ENTREP2: variants seen among roughly 807,000 people sequenced by gnomAD.
ENTREP2 encodes the protein endosomal transmembrane epsin interactor 2, also known as protein ENTREP2.
the ENTREP2 span, among the ~76,000 whole-genome samples, chr15:29,448,238 C>T: frequency 6.6e-6 from 1 of 152,192 alleles, no homozygotes; most frequent in African/African-American, 2.4e-5. Context: ...AGCCCTCCTA[C>T]AACAGCACCT....
chr15:29,283,265 C>T, the ENTREP2 span, among the ~76,000 whole-genome samples: 1 of 152,208 alleles, frequency 6.6e-6, no homozygotes, highest in Non-Finnish European at 1.5e-5. Flanking sequence ...AGACTATCCC[C>T]ACCCTCACCA....
chr15:29,550,562 A>C, the ENTREP2 span, among the ~76,000 whole-genome samples: 1 of 152,238 alleles, frequency 6.6e-6, no homozygotes, highest in Non-Finnish European at 1.5e-5. Context: ...TAGGAAAATC[A>C]TTAATAGTTT....
the ENTREP2 span, among the ~76,000 whole-genome samples, chr15:29,247,728 G>A: frequency 6.5e-5 from 8 of 123,678 alleles, no homozygotes; most frequent in African/African-American, 2.0e-4. Flanking sequence ...CTTTGTTTCC[G>A]GTATGTCTGT....
the ENTREP2 span, among the ~76,000 whole-genome samples, chr15:29,381,493 C>T: frequency 4.1e-5 from 6 of 146,802 alleles, no homozygotes; most frequent in East Asian, 2.0e-4. Context: ...CCTTGGTTCA[C>T]GCTCGGTCCT....
At chr15:29,333,687 G>C in the ENTREP2 span, among the ~76,000 whole-genome samples, 1 of 152,010 alleles carries the variant, frequency 6.6e-6, no homozygotes. Context: ...AGTTTTGGTG[G>C]TTATCCTATG....
chr15:29,395,240 T>C, the ENTREP2 span, among the ~76,000 whole-genome samples: 3 of 151,916 alleles, frequency 2.0e-5, no homozygotes, highest in Non-Finnish European at 4.4e-5. Flanking sequence ...CCTCATTCTG[T>C]TGAGCCACTC....
chr15:29,439,284 TAC>T, the ENTREP2 span, among the ~76,000 whole-genome samples: 3,878 of 96,932 alleles, frequency 0.04, 65 homozygotes, highest in Admixed American at 0.075. Flanking sequence ...AAATTGGAAT[TAC>T]ACACACACAC....
chr15:29,525,808 G>A, the ENTREP2 span, among the ~76,000 whole-genome samples: 5 of 152,130 alleles, frequency 3.3e-5, no homozygotes, highest in Non-Finnish European at 7.3e-5. Flanking sequence ...TTTGGTGATG[G>A]TAACAGGAAT....
chr15:29,657,016 C>T, the ENTREP2 span, among the ~76,000 whole-genome samples: 3 of 152,256 alleles, frequency 2.0e-5, no homozygotes, highest in South Asian at 6.2e-4. Context: ...TCGCTGCCTT[C>T]AAGAACGAAG....
chr15:29,620,462 C>T, the ENTREP2 span, among the ~76,000 whole-genome samples: 5 of 152,028 alleles, frequency 3.3e-5, no homozygotes, highest in Admixed American at 1.3e-4. Context: ...GTTTTCCCCT[C>T]CACCTTGCAA....
chr15:29,658,295 A>T, the ENTREP2 span, among the ~76,000 whole-genome samples: 2 of 152,146 alleles, frequency 1.3e-5, no homozygotes, highest in East Asian at 1.9e-4. Context: ...AGACATGTTT[A>T]CTTTTCCTTC....
chr15:29,545,840 A>T, the ENTREP2 span, among the ~76,000 whole-genome samples: 65,230 of 152,046 alleles, frequency 0.43, 14,657 homozygotes, highest in African/African-American at 0.57. Flanking sequence ...AAACATCTTG[A>T]AATGTTAATC....
the ENTREP2 span, chr15:29,126,295 G>A: frequency 6.7e-7 from 1 of 1,487,850 alleles, no homozygotes; most frequent in East Asian, 2.5e-5. Flanking sequence ...ACAAGGTGGG[G>A]TCGCTGGTGG....
chr15:29,444,230 GAAAGAAAGAAAGA>G, the ENTREP2 span, among the ~76,000 whole-genome samples: 9 of 147,308 alleles, frequency 6.1e-5, no homozygotes, highest in Non-Finnish European at 4.5e-5. Flanking sequence ...AAGAAAGAAA[GAAAGAAAGAAAGA>G]AAGAAAGAGA....
the ENTREP2 span, among the ~76,000 whole-genome samples, chr15:29,516,968 C>CAAA: frequency 2.4e-4 from 21 of 88,634 alleles, no homozygotes; most frequent in South Asian, 4.5e-4. Context: ...AATTATGAGC[C>CAAA]AAAAAAAAAA....
chr15:29,124,875 C>G, the ENTREP2 span: 1 of 944,644 alleles, frequency 1.1e-6, no homozygotes, highest in Non-Finnish European at 1.6e-6. Flanking sequence ...GCAGGAGAAG[C>G]CTGCTGAGCT....
the ENTREP2 span, among the ~76,000 whole-genome samples, chr15:29,170,593 T>TGA: frequency 2.0e-5 from 3 of 151,828 alleles, no homozygotes; most frequent in African/African-American, 7.3e-5. Context: ...TGTGTGTGTG[T>TGA]GTGTGAGTGT....
the ENTREP2 span, among the ~76,000 whole-genome samples, chr15:29,330,168 G>GCAGCTCATGCCTATAATCC: frequency 6.6e-6 from 1 of 152,018 alleles, no homozygotes; most frequent in African/African-American, 2.4e-5. Flanking sequence ...GCCGAGCGCG[G>GCAGCTCATGCCTATAATCC]CAGCTCATGC....
chr15:29,145,633 A>C, the ENTREP2 span, among the ~76,000 whole-genome samples: 8 of 150,946 alleles, frequency 5.3e-5, no homozygotes, highest in African/African-American at 1.9e-4. Context: ...AAAAAAAAAA[A>C]AAAAAAAAAA....
Sources: allele counts gnomAD v4.1 joint callset (sites outside exome capture counted in the v4.1 genomes callset), GRCh38; gene constraint gnomAD v4.1.1; transcripts MANE v1.5; gene names NCBI Gene and HGNC (gene_info 2026-07-23, HGNC 2026-07-21).